The following MYO16 variants were observed in gnomAD, a reference collection of about 807,000 sequenced individuals.
MYO16 encodes myosin XVI, also known as unconventional myosin-XVI.
Under a neutral mutation model 205.3 loss-of-function variants are expected in MYO16, and 94 were observed. The ratio of observed to expected loss-of-function variants is 0.46; its 90% CI spans 0.39 to 0.54. MYO16 has a LOEUF of 0.54. Ranked by LOEUF, MYO16 falls within the 20% of genes least tolerant of loss-of-function variation. The probability of loss-of-function intolerance (pLI) is 0.00; values close to 1 mark genes in which losing one functional copy is unlikely to be tolerated. For synonymous variants in MYO16, 988 were observed against 954.0 expected, an observed-to-expected ratio of 1.04 and a Z score of -0.66; for missense variants, 2,315 against 2,387.5, an observed-to-expected ratio of 0.97 and a Z score of 0.63.
At chr13:108,999,991 G>A (rs557275021) in intron 21 of MYO16, among the ~76,000 whole-genome samples, 13 of 152,130 alleles carry the variant, frequency 8.5e-5, no homozygotes, top group South Asian at 2.1e-4. Context: ...CACCAAATCC[G>A]TTTAATATAA....
At chr13:109,187,968 G>A (rs910565578) in intron 34 of MYO16, among the ~76,000 whole-genome samples, 3 of 152,120 alleles carry the variant, frequency 2.0e-5, no homozygotes, top group African/African-American at 7.2e-5. Flanking sequence ...ACTATACTGT[G>A]GCTTTGTCCA....
rs778440357 is a variant in MYO16 at position 108,888,387 on chromosome 13, A to G, written c.1569A>G (p.Ser523=). ...QCFILSGERG[S]GKSEASKQII... ...TTTTCCTTAGTGGAGAAAGGGGATC[A>G]GGAAAGTCTGAAGCCAGCAAACAAA... Residue 523 remains serine, a synonymous_variant, in exon 14 of 35, where the codon TCA becomes TCG. Transcript: ENST00000457511. 1.9e-6 allele frequency: 3 copies of G among 1,600,494 alleles called. No individual in the cohort carries two copies. Among genetic ancestry groups the G allele is most frequent in the Non-Finnish European group, 1.7e-6 (2 of 1,174,006 alleles).
the MYO16 span, among the ~76,000 whole-genome samples, chr13:108,498,211 C>A: frequency 6.6e-6 from 1 of 152,200 alleles, no homozygotes; most frequent in Non-Finnish European, 1.5e-5. Flanking sequence ...AATAAAAACA[C>A]ATGTTCATAG....
chr13:108,964,665 G>T, intron 19 of MYO16, 96 bp from the exon 20 acceptor site: 2 of 1,254,694 alleles, frequency 1.6e-6, no homozygotes, highest in Non-Finnish European at 2.2e-6. Context: ...TTGTCTTGTG[G>T]ATGTGTGGGG....
chr13:108,732,174 C>T (rs1884544481), intron 4 of MYO16, among the ~76,000 whole-genome samples: 1 of 152,188 alleles, frequency 6.6e-6, no homozygotes, highest in Non-Finnish European at 1.5e-5. Flanking sequence ...CATCTTCTTT[C>T]CATTTTCCAG....
intron 16 of MYO16, among the ~76,000 whole-genome samples, chr13:108,913,088 CAG>C (rs1881339026): frequency 6.6e-6 from 1 of 152,100 alleles, no homozygotes. Context: ...GTCAAACAGT[CAG>C]GGGTGACTTT....
chr13:108,798,596 G>T (rs978922950), intron 6 of MYO16, among the ~76,000 whole-genome samples: 8 of 151,368 alleles, frequency 5.3e-5, no homozygotes, highest in Non-Finnish European at 2.9e-5. Flanking sequence ...ATATTAATGC[G>T]ATAACTGGCA....
intron 12 of MYO16, among the ~76,000 whole-genome samples, chr13:108,875,359 T>C (rs1457903634): frequency 6.6e-6 from 1 of 152,202 alleles, no homozygotes; most frequent in Non-Finnish European, 1.5e-5. Flanking sequence ...AGATGGCTTG[T>C]CAGTCACTCA....
intron 1 of MYO16, among the ~76,000 whole-genome samples, chr13:108,641,385 G>A (rs1880496769): frequency 6.6e-6 from 1 of 152,182 alleles, no homozygotes; most frequent in African/African-American, 2.4e-5. Context: ...GAAGTGACAG[G>A]AAAGGCAGGC....
At chr13:108,811,011 T>A (rs9514922) in intron 7 of MYO16, among the ~76,000 whole-genome samples, 35,604 of 152,116 alleles carry the variant, frequency 0.23, 4,926 homozygotes, top group East Asian at 0.65. Flanking sequence ...GTTTTACAAC[T>A]CTTTCGTGAG....
intron 20 of MYO16, among the ~76,000 whole-genome samples, chr13:108,977,968 A>G (rs1013527230): frequency 2.0e-5 from 3 of 152,104 alleles, no homozygotes; most frequent in Non-Finnish European, 2.9e-5. Flanking sequence ...CCGCAAATAT[A>G]TTTCAACATT....
chr13:109,179,500 A>C (rs778231106), intron 33 of MYO16, 42 bp from the exon 34 acceptor site: 23 of 1,279,892 alleles, frequency 1.8e-5, no homozygotes, highest in Admixed American at 6.7e-5. Context: ...ATTTGGAACA[A>C]GGAGACACTG....
chr13:108,722,763 A>G (rs1166759004), intron 3 of MYO16, among the ~76,000 whole-genome samples: 2 of 152,150 alleles, frequency 1.3e-5, no homozygotes, highest in African/African-American at 2.4e-5. Context: ...CATCAAATTT[A>G]TTGAACTTTC....
intron 4 of MYO16, among the ~76,000 whole-genome samples, chr13:108,761,492 C>A (rs950761464): frequency 2.6e-5 from 4 of 152,156 alleles, no homozygotes; most frequent in Non-Finnish European, 5.9e-5. Context: ...ACCATCTATG[C>A]ACAGGGTTTA....
At chr13:108,665,830 C>T in intron 1 of MYO16, 56 bp from the exon 2 acceptor site, 1 of 1,548,790 alleles carries the variant, frequency 6.5e-7, no homozygotes, top group Non-Finnish European at 8.8e-7. Flanking sequence ...CTGTGGTGCA[C>T]ACTTATAGTG....
chr13:108,734,195 C>CT (rs57106194), intron 4 of MYO16, among the ~76,000 whole-genome samples: 1,723 of 144,988 alleles, frequency 0.012, 18 homozygotes, highest in African/African-American at 0.023. Flanking sequence ...TATAATATTG[C>CT]TTTTTTTTTT....
At chr13:108,752,808 A>ATCTTC (rs751233713) in intron 4 of MYO16, among the ~76,000 whole-genome samples, 1 of 90,578 alleles carries the variant, frequency 1.1e-5, no homozygotes, top group African/African-American at 4.1e-5. Context: ...TGCCCAGCTA[A>ATCTTC]TTTTTTTTTT....
At chr13:108,610,298 C>T (rs1879124546) in intron 1 of MYO16, among the ~76,000 whole-genome samples, 1 of 152,146 alleles carries the variant, frequency 6.6e-6, no homozygotes, top group South Asian at 2.1e-4. Context: ...CGATGCCTTT[C>T]CATGAAATTG....
intron 3 of MYO16, among the ~76,000 whole-genome samples, chr13:108,723,896 T>TA (rs1178720440): frequency 6.6e-6 from 1 of 152,162 alleles, no homozygotes. Context: ...GGATTGAATC[T>TA]ACAGATCAAT....
Sources: gnomAD v4.1 joint callset for allele counts (sites outside exome capture counted in the v4.1 genomes callset) on GRCh38, gnomAD v4.1.1 for gene constraint, MANE v1.5 for transcripts, NCBI Gene and HGNC (gene_info 2026-07-23, HGNC 2026-07-21) for gene names.